PKHD1: variants seen among roughly 807,000 people sequenced by gnomAD.
PKHD1 encodes the protein PKHD1 ciliary IPT domain containing fibrocystin/polyductin.
Under a neutral mutation model 412.0 loss-of-function variants are expected in PKHD1, and 291 were observed. That is an observed-to-expected ratio of 0.71 (90% CI 0.64 to 0.78). The LOEUF (loss-of-function observed/expected upper bound fraction) is 0.78. Ranked by LOEUF, PKHD1 falls within the 30% of genes least tolerant of loss-of-function variation. The pLI, the probability that PKHD1 is intolerant of heterozygous loss-of-function variation, is 0.00. For synonymous variants in PKHD1, 1,777 were observed against 1,821.5 expected (o/e 0.98, Z 0.62); for missense variants, 4,825 against 4,950.7 (o/e 0.97, Z 0.76).
At chr6:52,034,125 A>G (rs1459650001) in intron 28 of PKHD1, among the ~76,000 whole-genome samples, 1 of 151,750 alleles carries the variant, frequency 6.6e-6, no homozygotes, top group East Asian at 1.9e-4. Flanking sequence ...ACTCTGTCTC[A>G]AACAAACGAA....
intron 66 of PKHD1, among the ~76,000 whole-genome samples, chr6:51,621,670 G>C (rs1276696345): frequency 6.6e-6 from 1 of 152,096 alleles, no homozygotes; most frequent in African/African-American, 2.4e-5. Context: ...ATACCTGACA[G>C]ACTCCCCAGC....
intron 60 of PKHD1, chr6:51,741,226 G>A: frequency 1.9e-6 from 1 of 517,822 alleles, no homozygotes; most frequent in Non-Finnish European, 3.9e-6. Flanking sequence ...TAAACATGGA[G>A]AATCTGACTG....
intron 60 of PKHD1, among the ~76,000 whole-genome samples, chr6:51,720,641 C>T (rs1781792416): frequency 1.3e-5 from 2 of 152,022 alleles, no homozygotes; most frequent in Admixed American, 6.6e-5. Flanking sequence ...TTTTGATGCA[C>T]TTATAGCACT....
intron 60 of PKHD1, among the ~76,000 whole-genome samples, chr6:51,716,748 T>A (rs1358467719): frequency 1.3e-5 from 2 of 151,986 alleles, no homozygotes; most frequent in Non-Finnish European, 2.9e-5. Flanking sequence ...GGGCCTGATA[T>A]ATAGACATCA....
At chr6:51,650,961 T>C (rs902289663) in intron 61 of PKHD1, among the ~76,000 whole-genome samples, 3 of 152,160 alleles carry the variant, frequency 2.0e-5, no homozygotes, top group African/African-American at 7.2e-5. Context: ...TCTAATGTTG[T>C]TATCAGATCC....
At chr6:51,723,894 C>T (rs1380125275) in intron 60 of PKHD1, among the ~76,000 whole-genome samples, 4 of 152,078 alleles carry the variant, frequency 2.6e-5, no homozygotes, top group African/African-American at 9.7e-5. Context: ...ATTGAAAAGC[C>T]TTAGAAACTG....
intron 37 of PKHD1, among the ~76,000 whole-genome samples, chr6:51,931,422 A>C (rs1225626514): frequency 6.6e-6 from 1 of 152,158 alleles, no homozygotes; most frequent in East Asian, 1.9e-4. Context: ...CACCAGACCC[A>C]CCTCTGGCCC....
chr6:51,627,327 C>A (rs193074215), intron 65 of PKHD1, among the ~76,000 whole-genome samples: 10 of 152,038 alleles, frequency 6.6e-5, no homozygotes, highest in Admixed American at 2.6e-4. Flanking sequence ...CTGTCTGATA[C>A]AAATAGCAGA....
intron 61 of PKHD1, among the ~76,000 whole-genome samples, chr6:51,649,746 C>T (rs1419256875): frequency 3.3e-5 from 5 of 152,152 alleles, no homozygotes; most frequent in East Asian, 1.9e-4. Context: ...AACTCCAGTA[C>T]ACCACTGTTT....
intron 60 of PKHD1, among the ~76,000 whole-genome samples, chr6:51,683,558 T>G (rs770306710): frequency 6.6e-6 from 1 of 152,098 alleles, no homozygotes; most frequent in South Asian, 2.1e-4. Context: ...AGCAGCTGTG[T>G]ACTATGGTCT....
At chr6:51,804,480 A>G (rs1204609347) in intron 52 of PKHD1, among the ~76,000 whole-genome samples, 2 of 146,528 alleles carry the variant, frequency 1.4e-5, no homozygotes, top group Non-Finnish European at 2.9e-5. Context: ...CCCAACATGT[A>G]GCTTGGAGTA....
chr6:51,836,936 T>C (rs912784016), intron 50 of PKHD1, among the ~76,000 whole-genome samples: 1 of 152,132 alleles, frequency 6.6e-6, no homozygotes, highest in African/African-American at 2.4e-5. Flanking sequence ...CCCCACCCCC[T>C]ATCCTCCTCC....
At chr6:51,946,572 T>C (rs1168709437) in intron 36 of PKHD1, among the ~76,000 whole-genome samples, 1 of 152,208 alleles carries the variant, frequency 6.6e-6, no homozygotes, top group African/African-American at 2.4e-5. Flanking sequence ...TTCCATACTT[T>C]ATAGAGCTTG....
intron 64 of PKHD1, among the ~76,000 whole-genome samples, chr6:51,635,650 G>C (rs1039436773): frequency 6.6e-6 from 1 of 152,036 alleles, no homozygotes; most frequent in Non-Finnish European, 1.5e-5. Context: ...ACTAAAGTGA[G>C]TTTATAAGAC....
intron 37 of PKHD1, among the ~76,000 whole-genome samples, chr6:51,924,554 G>A (rs1322072209): frequency 6.6e-6 from 1 of 152,182 alleles, no homozygotes; most frequent in African/African-American, 2.4e-5. Context: ...GAATGAATTG[G>A]AAAGAACAGA....
At chr6:51,664,127 C>A (rs1245331725) in intron 60 of PKHD1, among the ~76,000 whole-genome samples, 3 of 151,878 alleles carry the variant, frequency 2.0e-5, no homozygotes, top group Admixed American at 6.6e-5. Flanking sequence ...AGGATGTATA[C>A]CTTCAAAGAG....
intron 37 of PKHD1, among the ~76,000 whole-genome samples, chr6:51,921,357 A>C (rs1784673388): frequency 6.6e-6 from 1 of 152,166 alleles, no homozygotes; most frequent in African/African-American, 2.4e-5. Flanking sequence ...GCTGCCCTTA[A>C]CATTTTTTCC....
intron 27 of PKHD1, among the ~76,000 whole-genome samples, chr6:52,041,264 T>C (rs770108545): frequency 1.3e-5 from 2 of 152,240 alleles, no homozygotes; most frequent in African/African-American, 2.4e-5. Flanking sequence ...TCTCTTTAAA[T>C]ACCCCAGAGC....
In PKHD1 at chr6:51,748,262, C is replaced by T; in HGVS notation, c.9354G>A (p.Trp3118Ter). The T allele has an allele frequency of 1.2e-6, 2 of 1,614,050 alleles. No homozygotes were observed. Among genetic ancestry groups the T allele is most frequent in the Non-Finnish European group, 1.7e-6 (2 of 1,179,970 alleles). Reference sequence around the variant, plus strand: ...GACTTGAATGCGCCACATTGTCAGACCAAAGCAGTTCACAAGAGGAGCACT... The same window carrying T: ...GACTTGAATGCGCCACATTGTCAGATCAAAGCAGTTCACAAGAGGAGCACT... ...GHKCSSCELL[W>*]SDNVAHSSLH... The change falls in exon 58 of 67, where the codon TGG becomes TGA. Residue 3118 changes from tryptophan (W) to a stop codon, truncating the protein, a stop_gained. Coordinates refer to ENST00000371117, the MANE Select transcript of PKHD1 (RefSeq NM_138694.4). LOFTEE classifies it high-confidence loss of function.
Sources: allele counts gnomAD v4.1 joint callset (sites outside exome capture counted in the v4.1 genomes callset), GRCh38; gene constraint gnomAD v4.1.1; transcripts MANE v1.5; gene names NCBI Gene and HGNC (gene_info 2026-07-23, HGNC 2026-07-21).